Variants in GABRG3 observed in about 807,000 individuals in gnomAD.
The protein encoded by GABRG3 is gamma-aminobutyric acid receptor subunit gamma-3.
GABRG3 carries 25 observed loss-of-function variants against 48.8 expected under a neutral mutation model. That is an observed-to-expected ratio of 0.51 (90% CI 0.37 to 0.72). GABRG3 has a LOEUF of 0.72. GABRG3 is among the 30% of genes least tolerant of loss of function. The probability of loss-of-function intolerance (pLI) is 0.00; values close to 1 mark genes in which losing one functional copy is unlikely to be tolerated. For missense variants in GABRG3, 394 were observed against 577.9 expected (o/e 0.68, Z 3.26); for synonymous variants, 227 against 217.6 (o/e 1.04, Z -0.38).
At chr15:27,316,644 T>C (rs575156117) in intron 3 of GABRG3, among the ~76,000 whole-genome samples, 24 of 152,328 alleles carry the variant, frequency 1.6e-4, no homozygotes, top group African/African-American at 4.6e-4. Flanking sequence ...CTTATGAACA[T>C]TTTTTATGTG....
chr15:27,433,967 C>T (rs1888532563), intron 5 of GABRG3, among the ~76,000 whole-genome samples: 1 of 152,174 alleles, frequency 6.6e-6, no homozygotes, highest in South Asian at 2.1e-4. Flanking sequence ...GTTTAGGAAA[C>T]ACAATTCTTA....
At chr15:27,172,856 C>T (rs956005039) in intron 3 of GABRG3, among the ~76,000 whole-genome samples, 2 of 152,106 alleles carry the variant, frequency 1.3e-5, no homozygotes, top group Non-Finnish European at 2.9e-5. Context: ...CCATAGACAG[C>T]GTCATCGTCC....
At chr15:27,151,767 CT>C (rs1352798366) in intron 3 of GABRG3, among the ~76,000 whole-genome samples, 4 of 152,154 alleles carry the variant, frequency 2.6e-5, no homozygotes, top group Admixed American at 2.0e-4. Flanking sequence ...CAGGAGGCCT[CT>C]GAAACCAGAA....
intron 5 of GABRG3, among the ~76,000 whole-genome samples, chr15:27,419,514 A>G (rs1386370735): frequency 2.0e-5 from 3 of 152,098 alleles, no homozygotes; most frequent in African/African-American, 4.8e-5. Context: ...TGCACTCACA[A>G]GAGGAAATAC....
chr15:27,429,625 T>C (rs1033099240), intron 5 of GABRG3, among the ~76,000 whole-genome samples: 1 of 152,200 alleles, frequency 6.6e-6, no homozygotes, highest in African/African-American at 2.4e-5. Context: ...GTACTTGAAT[T>C]TGCTTCCTTT....
chr15:27,218,053 A>G (rs62001273), intron 3 of GABRG3, among the ~76,000 whole-genome samples: 3,624 of 152,266 alleles, frequency 0.024, 72 homozygotes, highest in Non-Finnish European at 0.037. Context: ...GCTGTCTCCC[A>G]GGCTGGAGTG....
intron 3 of GABRG3, among the ~76,000 whole-genome samples, chr15:27,032,140 A>T (rs750975467): frequency 6.6e-6 from 1 of 152,016 alleles, no homozygotes; most frequent in Non-Finnish European, 1.5e-5. Context: ...GTCACTCTTC[A>T]TCTCTGTTCT....
At chr15:27,287,138 T>C (rs2140483639) in intron 3 of GABRG3, among the ~76,000 whole-genome samples, 1 of 152,334 alleles carries the variant, frequency 6.6e-6, no homozygotes, top group South Asian at 2.1e-4. Flanking sequence ...GTTACCATTG[T>C]GAATGTGCCT....
intron 3 of GABRG3, among the ~76,000 whole-genome samples, chr15:27,103,253 C>T (rs945819166): frequency 6.6e-6 from 1 of 152,204 alleles, no homozygotes; most frequent in Non-Finnish European, 1.5e-5. Flanking sequence ...TGACAACCCA[C>T]TCCTCAGGAA....
At chr15:27,141,529 T>C (rs532427979) in intron 3 of GABRG3, among the ~76,000 whole-genome samples, 108 of 152,308 alleles carry the variant, frequency 7.1e-4, no homozygotes, top group African/African-American at 2.4e-3. Flanking sequence ...GCTGCCCTCT[T>C]CCTATTCATA....
intron 6 of GABRG3, among the ~76,000 whole-genome samples, chr15:27,492,268 A>G (rs1890374285): frequency 6.6e-6 from 1 of 152,194 alleles, no homozygotes; most frequent in African/African-American, 2.4e-5. Flanking sequence ...GTAGAAAGAG[A>G]GGGCACATTC....
intron 5 of GABRG3, among the ~76,000 whole-genome samples, chr15:27,339,081 T>C (rs1208001774): frequency 3.9e-5 from 6 of 152,110 alleles, no homozygotes; most frequent in Admixed American, 1.3e-4. Flanking sequence ...ACTGCTCCTT[T>C]AGGAGACTCC....
intron 3 of GABRG3, among the ~76,000 whole-genome samples, chr15:27,084,171 G>T (rs1329339592): frequency 6.6e-6 from 1 of 152,172 alleles, no homozygotes; most frequent in Non-Finnish European, 1.5e-5. Flanking sequence ...ATAAACTGAT[G>T]GAATGTTGAT....
intron 3 of GABRG3, among the ~76,000 whole-genome samples, chr15:27,306,359 A>C (rs1892445234): frequency 1.0e-5 from 1 of 97,408 alleles, no homozygotes; most frequent in Non-Finnish European, 2.6e-5. Context: ...GTCTACATAT[A>C]AACATATATA....
intron 3 of GABRG3, among the ~76,000 whole-genome samples, chr15:27,237,125 A>C (rs1249547090): frequency 6.6e-6 from 1 of 152,260 alleles, no homozygotes; most frequent in African/African-American, 2.4e-5. Flanking sequence ...AATTCAAGAG[A>C]ACATGAAGCC....
chr15:27,488,987 G>C (rs1037451777), intron 6 of GABRG3, among the ~76,000 whole-genome samples: 4 of 152,048 alleles, frequency 2.6e-5, no homozygotes, highest in Non-Finnish European at 2.9e-5. Context: ...CCATCAACCT[G>C]TCAGCTACAT....
At chr15:27,070,918 G>A (rs1201396022) in intron 3 of GABRG3, among the ~76,000 whole-genome samples, 1 of 152,192 alleles carries the variant, frequency 6.6e-6, no homozygotes, top group Non-Finnish European at 1.5e-5. Context: ...ACCCAGCTCC[G>A]CTTTGCAGGT....
At position 27,236,170 on chromosome 15, in the gene GABRG3, C is replaced by T. The variant is rs373012943; in HGVS notation, c.271-90639C>T. On this transcript the variant is annotated intron_variant, in intron 3 of 9. Transcript: ENST00000615808. The surrounding 1 kb of genome is among the most constrained non-coding windows in gnomAD (Gnocchi z 4.4). ...AGACCCAGAACACTTTTCTGTAAAC[C>T]GTGTCCGGCGTACATGGAAGCATCT... Among the ~76,000 whole-genome samples the T allele has an allele frequency of 1.6e-4, 25 of 152,270 alleles. No homozygotes were observed. In the East Asian group the frequency reaches 4.3e-3, roughly 26 times the overall value.
At chr15:27,199,443 A>C (rs1888610961) in intron 3 of GABRG3, among the ~76,000 whole-genome samples, 1 of 152,128 alleles carries the variant, frequency 6.6e-6, no homozygotes, top group Admixed American at 6.5e-5. Flanking sequence ...CCACTGGTGT[A>C]GTTTGGATAT....
Sources: gnomAD v4.1 joint callset for allele counts (sites outside exome capture counted in the v4.1 genomes callset) on GRCh38, gnomAD v4.1.1 for gene constraint, Gnocchi (gnomAD v3.1) non-coding constraint, MANE v1.5 for transcripts, NCBI Gene and HGNC (gene_info 2026-07-23, HGNC 2026-07-21) for gene names.